CMIP: variants seen among roughly 807,000 people sequenced by gnomAD.
The protein encoded by CMIP is C-Maf-inducing protein.
A neutral mutation model predicts 97.3 loss-of-function variants in CMIP; 13 were observed. That is an observed-to-expected ratio of 0.13 (90% CI 0.09 to 0.21). The LOEUF (loss-of-function observed/expected upper bound fraction) is 0.21. CMIP is among the 10% of genes least tolerant of loss of function. The pLI is 1.00. For synonymous variants in CMIP, 538 were observed against 436.3 expected, an observed-to-expected ratio of 1.23 and a Z score of -2.91; for missense variants, 847 against 1,024.9, an observed-to-expected ratio of 0.83 and a Z score of 2.37.
chr16:81,521,840 A>G (rs1220943391), intron 1 of CMIP, among the ~76,000 whole-genome samples: 1 of 152,232 alleles, frequency 6.6e-6, no homozygotes, highest in Non-Finnish European at 1.5e-5. Context: ...GATTAGGGAA[A>G]GGAGAAAGGT....
At chr16:81,521,786 G>A (rs1193446704) in intron 1 of CMIP, among the ~76,000 whole-genome samples, 3 of 152,132 alleles carry the variant, frequency 2.0e-5, no homozygotes, top group African/African-American at 4.8e-5. Flanking sequence ...GGTCAGTTGG[G>A]TTTTCAAACA....
At chr16:81,708,816 C>A (rs556088932) in intron 20 of CMIP, among the ~76,000 whole-genome samples, 88 of 152,364 alleles carry the variant, frequency 5.8e-4, no homozygotes, top group African/African-American at 2.1e-3. Flanking sequence ...CCTGTAACCT[C>A]TGCCTGGGCA....
intron 1 of CMIP, among the ~76,000 whole-genome samples, chr16:81,505,154 C>T (rs1176117372): frequency 6.6e-6 from 1 of 152,264 alleles, no homozygotes; most frequent in Non-Finnish European, 1.5e-5. Context: ...TGTGCTTCTG[C>T]TGTCCTGGAG....
Position 81,691,548 on chromosome 16 carries a change from C to G in CMIP, c.1389-227C>G, listed in dbSNP as rs1906077748. 8 of 586,624 alleles carry G rather than the reference C, an allele frequency of 1.4e-5. No homozygotes were observed. The Admixed American group carries it at 1.5e-4, about 11-fold the overall frequency. 36.3% of individuals were successfully genotyped at this position (586,624 alleles called of 1,614,324 possible). ...AGTCTGGGGAATAGACAGCTCACCC[C>G]CTCGGGTGCCATGAGGAAGTCTCTG... On this transcript the variant is annotated intron_variant, in intron 10 of 20. Transcript: ENST00000537098.
rs2092685915 is a variant in CMIP at position 81,671,848 on chromosome 16, G to A, written c.930-118G>A. On this transcript the variant is annotated intron_variant, in intron 8 of 20. Coordinates refer to ENST00000537098, the MANE Select transcript of CMIP (RefSeq NM_198390.3). ...AGTGAAGGCTCTCAGAGCCCCCCAA[G>A]TGGCGCTGGCAGAGCGGGCAGCCCC... 3 of 573,952 alleles carry A rather than the reference G, an allele frequency of 5.2e-6. No individual in the cohort carries two copies. In the East Asian group the frequency reaches 8.6e-5, roughly 17 times the overall value. The allele number at this position is 573,952 out of a possible 1,614,324, so 35.6% of individuals were successfully genotyped here.
intron 1 of CMIP, among the ~76,000 whole-genome samples, chr16:81,537,045 G>C (rs2090356025): frequency 6.6e-6 from 1 of 152,136 alleles, no homozygotes; most frequent in South Asian, 2.1e-4. Flanking sequence ...GATTTTGTCT[G>C]GCATTTTTCC....
chr16:81,554,757 G>A (rs928127874), intron 1 of CMIP, among the ~76,000 whole-genome samples: 5 of 152,212 alleles, frequency 3.3e-5, no homozygotes, highest in Non-Finnish European at 7.3e-5. Context: ...TTTGTCTGTA[G>A]AATGGAGATA....
chr16:81,468,454 G>A (rs865880976), intron 1 of CMIP, among the ~76,000 whole-genome samples: 1 of 152,242 alleles, frequency 6.6e-6, no homozygotes, highest in South Asian at 2.1e-4. Flanking sequence ...CACCTTGTAG[G>A]GTGAGAACGA....
chr16:81,701,358 G>T (rs1907380025), intron 15 of CMIP, among the ~76,000 whole-genome samples: 1 of 152,138 alleles, frequency 6.6e-6, no homozygotes, highest in Admixed American at 6.5e-5. Flanking sequence ...CAGTGCTCAG[G>T]GGCCTGCAAA....
chr16:81,487,186 A>C (rs1416742008), intron 1 of CMIP, among the ~76,000 whole-genome samples: 1 of 152,004 alleles, frequency 6.6e-6, no homozygotes, highest in Non-Finnish European at 1.5e-5. Flanking sequence ...TGTGGGGGCT[A>C]CTTTGGGGTG....
intron 5 of CMIP, among the ~76,000 whole-genome samples, chr16:81,660,308 C>G (rs988794468): frequency 2.0e-5 from 3 of 151,372 alleles, no homozygotes; most frequent in Non-Finnish European, 4.4e-5. Flanking sequence ...GAGTCTCACT[C>G]TGTCACCCAG....
intron 1 of CMIP, among the ~76,000 whole-genome samples, chr16:81,572,875 G>A (rs983600571): frequency 2.6e-5 from 4 of 152,122 alleles, no homozygotes; most frequent in African/African-American, 9.7e-5. Context: ...CATCAGTCCT[G>A]CCTCCCAGGA....
At chr16:81,613,991 C>T (rs1363417189) in intron 2 of CMIP, among the ~76,000 whole-genome samples, 1 of 152,202 alleles carries the variant, frequency 6.6e-6, no homozygotes, top group Non-Finnish European at 1.5e-5. Flanking sequence ...GAGCCCATAG[C>T]CTGCAGAAGA....
chr16:81,593,983 C>T (rs1246958962), intron 1 of CMIP, among the ~76,000 whole-genome samples: 2 of 129,920 alleles, frequency 1.5e-5, no homozygotes, highest in Non-Finnish European at 3.3e-5. Flanking sequence ...TCCTGCTCCT[C>T]CTCCCCCTCC....
intron 2 of CMIP, among the ~76,000 whole-genome samples, chr16:81,615,002 A>G (rs1567611627): frequency 7.6e-6 from 1 of 131,888 alleles, no homozygotes; most frequent in African/African-American, 2.9e-5. Flanking sequence ...GTATGTGTCT[A>G]TATGTGATGT....
chr16:81,667,797 AGAGTGTGTGTGTGT>A (rs1247242733), intron 7 of CMIP, among the ~76,000 whole-genome samples: 6 of 65,016 alleles, frequency 9.2e-5, no homozygotes, highest in African/African-American at 2.6e-4. Context: ...AGAGAGAGAG[AGAGTGTGTGTGTGT>A]GTGTGTGTGT....
chr16:81,540,658 G>C (rs1597529572), intron 1 of CMIP, among the ~76,000 whole-genome samples: 1 of 148,446 alleles, frequency 6.7e-6, no homozygotes. Context: ...GTGTGTGTGT[G>C]TGTGTGTGTG....
chr16:81,693,912 G>A (rs577255616), intron 13 of CMIP, among the ~76,000 whole-genome samples: 1 of 152,230 alleles, frequency 6.6e-6, no homozygotes, highest in African/African-American at 2.4e-5. Context: ...CTGAAGGGCT[G>A]CTGTGTCCCT....
intron 1 of CMIP, among the ~76,000 whole-genome samples, chr16:81,566,744 A>G (rs1212099276): frequency 1.3e-5 from 2 of 152,250 alleles, no homozygotes; most frequent in Admixed American, 6.5e-5. Flanking sequence ...CCAACTAGAA[A>G]CAACCCAAGT....
Sources: allele counts gnomAD v4.1 joint callset (sites outside exome capture counted in the v4.1 genomes callset), GRCh38; gene constraint gnomAD v4.1.1; transcripts MANE v1.5; gene names NCBI Gene and HGNC (gene_info 2026-07-23, HGNC 2026-07-21).